ABCG2: variants seen among roughly 807,000 people sequenced by gnomAD.
ABCG2 encodes the protein broad substrate specificity ATP-binding cassette transporter ABCG2.
ABCG2 carries 80 observed loss-of-function variants against 73.5 expected under a neutral mutation model. The ratio of observed to expected loss-of-function variants is 1.09; its 90% CI spans 0.91 to 1.31. The LOEUF (loss-of-function observed/expected upper bound fraction) is 1.31, where lower values mean the gene tolerates loss of function less well. Among genes scored for constraint, ABCG2 ranks in the 50% most tolerant of loss-of-function variants. The pLI is 0.00. For missense variants in ABCG2, 796 were observed against 786.2 expected, an observed-to-expected ratio of 1.01 and a Z score of -0.15; for synonymous variants, 269 against 282.4, an observed-to-expected ratio of 0.95 and a Z score of 0.48.
At chr4:88,109,960 A>G (rs1723022639) in intron 9 of ABCG2, among the ~76,000 whole-genome samples, 1 of 151,912 alleles carries the variant, frequency 6.6e-6, no homozygotes, top group Non-Finnish European at 1.5e-5. Context: ...ATTTTTTATT[A>G]TTTTTTAGAG....
At chr4:88,106,774 C>T (rs536081260) in intron 10 of ABCG2, among the ~76,000 whole-genome samples, 1 of 152,202 alleles carries the variant, frequency 6.6e-6, no homozygotes, top group African/African-American at 2.4e-5. Flanking sequence ...GGTGGAGTGG[C>T]TCACGCCTGT....
intron 1 of ABCG2, among the ~76,000 whole-genome samples, chr4:88,218,079 T>A (rs1278543323): frequency 6.6e-6 from 1 of 152,056 alleles, no homozygotes; most frequent in Non-Finnish European, 1.5e-5. Flanking sequence ...CTAGACATGT[T>A]CCTGCCTCCG....
chr4:88,203,729 G>A (rs1181358991), intron 1 of ABCG2, among the ~76,000 whole-genome samples: 3 of 145,522 alleles, frequency 2.1e-5, no homozygotes, highest in Non-Finnish European at 4.5e-5. Context: ...ACTCCAGCCT[G>A]GGTGACAACA....
At chr4:88,194,432 C>G (rs1728846997) in intron 1 of ABCG2, among the ~76,000 whole-genome samples, 1 of 151,762 alleles carries the variant, frequency 6.6e-6, no homozygotes, top group African/African-American at 2.4e-5. Flanking sequence ...CGCCTGTAGT[C>G]CCAGCTACTC....
At chr4:88,147,119 T>TA (rs1187041260) in intron 1 of ABCG2, among the ~76,000 whole-genome samples, 3 of 147,586 alleles carry the variant, frequency 2.0e-5, no homozygotes, top group Non-Finnish European at 4.5e-5. Context: ...GGAAAGAAAG[T>TA]AAAAAAGAAA....
chr4:88,218,860 T>C (rs1424285766), intron 1 of ABCG2, among the ~76,000 whole-genome samples: 1 of 152,218 alleles, frequency 6.6e-6, no homozygotes, highest in Non-Finnish European at 1.5e-5. Flanking sequence ...AAACTTTTTC[T>C]GTAAAAGGCC....
In ABCG2 at chr4:88,188,635, A is replaced by G. The variant is rs553719765; in HGVS notation, c.-20+42359T>C. Among the ~76,000 whole-genome samples the G allele has an allele frequency of 5.4e-3, 263 of 48,344 alleles. 2 individuals are homozygous for G. The highest frequency in any genetic ancestry group is 0.019 in the Admixed American group (86 of 4,424). The allele number at this position is 48,344 out of a possible 152,430, so 31.7% of individuals were successfully genotyped here. The stretch of plus-strand genomic sequence containing the variant: ...TTTGAATTTTAGAATGGGTTTTTCT[A>G]TTTCTACAAAAAAATGGCCTTAGGA... On this transcript the variant is annotated intron_variant, in intron 1 of 15. Transcript: ENST00000515655.
chr4:88,139,065 C>A (rs935952119), intron 2 of ABCG2, among the ~76,000 whole-genome samples: 1 of 150,270 alleles, frequency 6.7e-6, no homozygotes, highest in Non-Finnish European at 1.5e-5. Flanking sequence ...CACTTGAACC[C>A]GGGAGGTGGA....
chr4:88,163,724 TC>T, upstream of ABCG2: 1 of 407,328 alleles, frequency 2.5e-6, no homozygotes, highest in Non-Finnish European at 4.9e-6. Flanking sequence ...CTCAGAGAGA[TC>T]CGGAAATTTG....
Position 88,123,381 on chromosome 4 carries a change from A to G in ABCG2, c.532-1589T>C, listed in dbSNP as rs557973419. Among the ~76,000 whole-genome samples, 12 of 152,240 alleles carry G rather than the reference A, an allele frequency of 7.9e-5. No individual in the cohort carries two copies. The South Asian group carries it at 2.3e-3, about 29-fold the overall frequency. ...AAACTCCTCCAAGCTAAAGGTGCAT[A>G]TTCTAACCCAATGCAAGGAAGCTAA... On this transcript the variant is annotated intron_variant, in intron 5 of 15. Coordinates refer to ENST00000237612, the MANE Select transcript of ABCG2 (RefSeq NM_004827.3).
intron 5 of ABCG2, among the ~76,000 whole-genome samples, chr4:88,130,147 C>G (rs1048684111): frequency 1.4e-4 from 22 of 152,088 alleles, no homozygotes; most frequent in Admixed American, 1.2e-3. Context: ...GCAGGGGTCC[C>G]CAACTTCTGG....
intron 1 of ABCG2, among the ~76,000 whole-genome samples, chr4:88,153,832 C>T (rs1338500516): frequency 3.3e-5 from 5 of 152,168 alleles, no homozygotes; most frequent in South Asian, 4.2e-4. Context: ...AGCAAAACCC[C>T]GAGCTTGATG....
chr4:88,104,856 GTTC>G (rs904344628), intron 10 of ABCG2, among the ~76,000 whole-genome samples: 17 of 152,188 alleles, frequency 1.1e-4, no homozygotes, highest in Admixed American at 8.5e-4. Flanking sequence ...AACACCTAAA[GTTC>G]TTCTTTATTT....
intron 1 of ABCG2, among the ~76,000 whole-genome samples, chr4:88,172,114 G>C (rs1446448273): frequency 6.6e-6 from 1 of 151,958 alleles, no homozygotes; most frequent in Non-Finnish European, 1.5e-5. Flanking sequence ...GGCCAACATG[G>C]TGAAACTCCG....
At chr4:88,165,322 T>C (rs1393276766) in intron 1 of ABCG2, among the ~76,000 whole-genome samples, 1 of 152,200 alleles carries the variant, frequency 6.6e-6, no homozygotes, top group Non-Finnish European at 1.5e-5. Context: ...AAGTCTAAAA[T>C]GGGTCTAGTG....
rs1721915175 is a variant in ABCG2, at chr4:88,095,381, C to T, written c.1737+139G>A. The T allele has an allele frequency of 4.2e-6, 3 of 720,550 alleles. No individual in the cohort carries two copies. The African/African-American group carries it at 5.4e-5, about 13-fold the overall frequency. 44.6% of individuals were successfully genotyped at this position (720,550 alleles called of 1,614,324 possible). The stretch of plus-strand genomic sequence containing the variant: ...TGTTAACCAAGGCTAACAGGAAATT[C>T]TCATTCCTTGCTCCTAAAAGGGAGT... On this transcript the variant is annotated intron_variant, in intron 14 of 15. Transcript: ENST00000237612.
intron 1 of ABCG2, among the ~76,000 whole-genome samples, chr4:88,219,354 A>G (rs1729925369): frequency 6.6e-6 from 1 of 152,308 alleles, no homozygotes; most frequent in Admixed American, 6.5e-5. Context: ...ATTCCAATGG[A>G]GAAGACAGAT....
At chr4:88,150,593 C>T (rs1324635558) in intron 1 of ABCG2, among the ~76,000 whole-genome samples, 1 of 152,106 alleles carries the variant, frequency 6.6e-6, no homozygotes. Flanking sequence ...CTTCCCTGGG[C>T]CACACTGGAA....
intron 1 of ABCG2, among the ~76,000 whole-genome samples, chr4:88,200,878 A>T (rs991380254): frequency 3.9e-5 from 6 of 152,158 alleles, no homozygotes; most frequent in African/African-American, 1.4e-4. Flanking sequence ...CAATATACTC[A>T]ATTGTATATG....
Sources: allele counts gnomAD v4.1 joint callset (sites outside exome capture counted in the v4.1 genomes callset), GRCh38; gene constraint gnomAD v4.1.1; transcripts MANE v1.5; gene names NCBI Gene and HGNC (gene_info 2026-07-23, HGNC 2026-07-21).